ASTN2: variants seen among roughly 807,000 people sequenced by gnomAD.
ASTN2 encodes astrotactin-2.
ASTN2 carries 54 observed loss-of-function variants against 139.8 expected under a neutral mutation model. The ratio of observed to expected loss-of-function variants is 0.39; its 90% CI spans 0.31 to 0.48. The LOEUF is 0.48. Among genes scored for constraint, ASTN2 ranks in the 20% least tolerant of loss-of-function variants. ASTN2 has a pLI of 0.95. For missense variants in ASTN2, 1,565 were observed against 1,725.1 expected, an observed-to-expected ratio of 0.91 and a Z score of 1.64; for synonymous variants, 756 against 719.5, an observed-to-expected ratio of 1.05 and a Z score of -0.81.
chr9:116,488,470 A>C (rs539663404), intron 19 of ASTN2, among the ~76,000 whole-genome samples: 13 of 152,334 alleles, frequency 8.5e-5, no homozygotes, highest in African/African-American at 3.1e-4. Context: ...AACAAAAATT[A>C]AGTTATAAGG....
At chr9:117,006,778 CCT>C (rs1246079248) in intron 7 of ASTN2, among the ~76,000 whole-genome samples, 1 of 152,224 alleles carries the variant, frequency 6.6e-6, no homozygotes, top group South Asian at 2.1e-4. Flanking sequence ...TCCTACTCCC[CCT>C]CTTTCTCACT....
intron 20 of ASTN2, among the ~76,000 whole-genome samples, chr9:116,482,340 CA>C (rs1185979684): frequency 6.6e-6 from 1 of 151,760 alleles, no homozygotes; most frequent in Non-Finnish European, 1.5e-5. Flanking sequence ...CAAAACAAAA[CA>C]AAACAAAAAA....
chr9:116,480,945 T>C (rs1425239977), intron 20 of ASTN2, among the ~76,000 whole-genome samples: 2 of 152,184 alleles, frequency 1.3e-5, no homozygotes, highest in Non-Finnish European at 2.9e-5. Flanking sequence ...TCACAAATAG[T>C]AGTCACAGTG....
chr9:117,348,553 G>A (rs575702539), intron 1 of ASTN2, among the ~76,000 whole-genome samples: 3 of 152,064 alleles, frequency 2.0e-5, no homozygotes, highest in Non-Finnish European at 4.4e-5. Flanking sequence ...AAAGTTGCTC[G>A]GAGCCTATTT....
chr9:117,090,649 C>T (rs1469652037), intron 5 of ASTN2, among the ~76,000 whole-genome samples: 1 of 152,148 alleles, frequency 6.6e-6, no homozygotes, highest in Non-Finnish European at 1.5e-5. Flanking sequence ...GGGTAAGACC[C>T]AGCACCTTCC....
intron 1 of ASTN2, among the ~76,000 whole-genome samples, chr9:117,293,005 A>C (rs1834633240): frequency 6.6e-6 from 1 of 152,116 alleles, no homozygotes; most frequent in Non-Finnish European, 1.5e-5. Flanking sequence ...AATGTTAGCT[A>C]CGAATTTTTA....
chr9:117,181,080 T>C (rs1390842866), intron 3 of ASTN2: 1 of 1,226,494 alleles, frequency 8.2e-7, no homozygotes, highest in Non-Finnish European at 1.2e-6. Flanking sequence ...GTTTCCATGG[T>C]CCCTTAAAGC....
chr9:116,512,951 T>C (rs142201909), intron 19 of ASTN2, among the ~76,000 whole-genome samples: 1 of 152,220 alleles, frequency 6.6e-6, no homozygotes, highest in South Asian at 2.1e-4. Flanking sequence ...TGACTCTTTA[T>C]CCAATTTGCC....
intron 2 of ASTN2, among the ~76,000 whole-genome samples, chr9:117,251,026 C>G (rs954266300): frequency 6.6e-6 from 1 of 152,100 alleles, no homozygotes; most frequent in Non-Finnish European, 1.5e-5. Context: ...ACAGGTGAGG[C>G]TGAATCAAGA....
chr9:116,648,477 C>T (rs811689), intron 17 of ASTN2, among the ~76,000 whole-genome samples: 61,700 of 151,960 alleles, frequency 0.41, 13,337 homozygotes, highest in Admixed American at 0.52. Context: ...CCTCATGGAT[C>T]TCCTTGATTC....
chr9:117,332,274 A>G (rs560897308), intron 1 of ASTN2, among the ~76,000 whole-genome samples: 1 of 152,330 alleles, frequency 6.6e-6, no homozygotes, highest in East Asian at 1.9e-4. Flanking sequence ...ACAAGCCTAC[A>G]AAGTAGACAG....
intron 16 of ASTN2, among the ~76,000 whole-genome samples, chr9:116,654,916 A>C (rs1858120822): frequency 6.6e-6 from 1 of 152,216 alleles, no homozygotes; most frequent in Non-Finnish European, 1.5e-5. Context: ...TAATCTATAG[A>C]TCTTTGCTAG....
At chr9:116,431,750 C>G (rs1847504708) in intron 22 of ASTN2, among the ~76,000 whole-genome samples, 1 of 152,126 alleles carries the variant, frequency 6.6e-6, no homozygotes, top group Non-Finnish European at 1.5e-5. Context: ...ATCCCTAACC[C>G]AATTTTAGAG....
chr9:116,581,049 G>T (rs1853929503), intron 19 of ASTN2, among the ~76,000 whole-genome samples: 1 of 152,084 alleles, frequency 6.6e-6, no homozygotes, highest in Non-Finnish European at 1.5e-5. Flanking sequence ...ATGGGGGTGG[G>T]GAGAAAGTTT....
intron 2 of ASTN2, among the ~76,000 whole-genome samples, chr9:117,266,314 T>C (rs1310178618): frequency 6.6e-6 from 1 of 151,666 alleles, no homozygotes; most frequent in African/African-American, 2.4e-5. Flanking sequence ...CAACAGAAAC[T>C]CACAAACACA....
At chr9:117,249,981 T>G (rs138370258) in intron 2 of ASTN2, among the ~76,000 whole-genome samples, 1 of 152,344 alleles carries the variant, frequency 6.6e-6, no homozygotes, top group Non-Finnish European at 1.5e-5. Context: ...GAGTGCTAGT[T>G]CTGCTGTTTG....
chr9:116,741,292 C>T (rs1479462508), intron 13 of ASTN2, among the ~76,000 whole-genome samples: 1 of 152,174 alleles, frequency 6.6e-6, no homozygotes, highest in Non-Finnish European at 1.5e-5. Flanking sequence ...CCAGCCAGCA[C>T]TGTCTGCAGT....
intron 13 of ASTN2, among the ~76,000 whole-genome samples, chr9:116,772,324 G>A (rs1829973518): frequency 6.6e-6 from 1 of 152,068 alleles, no homozygotes; most frequent in Non-Finnish European, 1.5e-5. Flanking sequence ...GAGATCTGAT[G>A]GTTTTATAAT....
chr9:117,104,269 A>T (rs1361467280), intron 4 of ASTN2, among the ~76,000 whole-genome samples: 1 of 152,240 alleles, frequency 6.6e-6, no homozygotes, highest in Non-Finnish European at 1.5e-5. Context: ...GTCCATTTAC[A>T]GAAGACTGAT....
Sources: gnomAD v4.1 joint callset for allele counts (sites outside exome capture counted in the v4.1 genomes callset) on GRCh38, gnomAD v4.1.1 for gene constraint, MANE v1.5 for transcripts, NCBI Gene and HGNC (gene_info 2026-07-23, HGNC 2026-07-21) for gene names.